Variants in SLC5A4 observed in about 807,000 individuals in gnomAD.
SLC5A4 encodes probable glucose sensor protein SLC5A4.
SLC5A4 carries 55 observed loss-of-function variants against 70.3 expected under a neutral mutation model. The ratio of observed to expected loss-of-function variants is 0.78; its 90% CI spans 0.63 to 0.98. SLC5A4 has a LOEUF of 0.98. Among genes scored for constraint, SLC5A4 ranks in the 50% least tolerant of loss-of-function variants. The pLI, the probability that SLC5A4 is intolerant of heterozygous loss-of-function variation, is 0.00. For synonymous variants in SLC5A4, 268 were observed against 305.7 expected (o/e 0.88, Z 1.29); for missense variants, 735 against 839.2 (o/e 0.88, Z 1.53).
upstream of SLC5A4, among the ~76,000 whole-genome samples, chr22:32,257,671 A>ATTTTTTTTTTTTTTT (rs200927695): frequency 9.3e-6 from 1 of 107,626 alleles, no homozygotes; most frequent in African/African-American, 4.3e-5. Context: ...TTTTTTTTTA[A>ATTTTTTTTTTTTTTT]TTTTTTTTTT....
At chr22:32,254,277 C>G in intron 1 of SLC5A4, 64 bp from the exon 2 acceptor site, 1 of 1,249,558 alleles carries the variant, frequency 8.0e-7, no homozygotes, top group Non-Finnish European at 1.2e-6. Flanking sequence ...ACCCCAGAGG[C>G]TCTGGCCAGG....
At chr22:32,344,514 G>A in the SLC5A4 span, among the ~76,000 whole-genome samples, 490 of 152,100 alleles carry the variant, frequency 3.2e-3, no homozygotes, top group African/African-American at 0.01. Flanking sequence ...TCTCTTATGC[G>A]ATATTGACAA....
At chr22:32,309,691 A>G in the SLC5A4 span, among the ~76,000 whole-genome samples, 1 of 151,938 alleles carries the variant, frequency 6.6e-6, no homozygotes, top group East Asian at 1.9e-4. Flanking sequence ...GAGTGTTCAC[A>G]CCCAAGTGCA....
the SLC5A4 span, among the ~76,000 whole-genome samples, chr22:32,308,161 G>A: frequency 2.6e-5 from 4 of 152,126 alleles, no homozygotes; most frequent in African/African-American, 7.2e-5. Context: ...TGCCTCCTGG[G>A]TTCACGTTAT....
At chr22:32,310,765 G>A in the SLC5A4 span, among the ~76,000 whole-genome samples, 3 of 152,240 alleles carry the variant, frequency 2.0e-5, no homozygotes, top group Non-Finnish European at 4.4e-5. Flanking sequence ...AAAATGGGGA[G>A]AGCCCCTTCT....
the SLC5A4 span, among the ~76,000 whole-genome samples, chr22:32,314,213 T>TA: frequency 1.3e-5 from 2 of 152,188 alleles, no homozygotes; most frequent in African/African-American, 4.8e-5. Flanking sequence ...CAAAGCCAGG[T>TA]ACTCTCCATC....
the SLC5A4 span, chr22:32,271,901 G>A: frequency 5.2e-6 from 3 of 579,668 alleles, no homozygotes; most frequent in African/African-American, 3.7e-5. Flanking sequence ...CAAGATGTAC[G>A]CTGTGGCCAC....
chr22:32,318,581 G>C, the SLC5A4 span, among the ~76,000 whole-genome samples: 1 of 152,020 alleles, frequency 6.6e-6, no homozygotes, highest in South Asian at 2.1e-4. Context: ...CCTTCCTTTG[G>C]AATCTCAACA....
At chr22:32,317,287 C>CTTA in the SLC5A4 span, among the ~76,000 whole-genome samples, 5 of 152,036 alleles carry the variant, frequency 3.3e-5, no homozygotes, top group Admixed American at 3.3e-4. Flanking sequence ...CATATATAGC[C>CTTA]TTAAAACACT....
At chr22:32,321,640 C>T in the SLC5A4 span, among the ~76,000 whole-genome samples, 3 of 152,288 alleles carry the variant, frequency 2.0e-5, no homozygotes, top group African/African-American at 7.2e-5. Context: ...TTCAGTGGGC[C>T]CCAGTGTGTG....
At chr22:32,304,559 G>C in the SLC5A4 span, among the ~76,000 whole-genome samples, 1 of 152,200 alleles carries the variant, frequency 6.6e-6, no homozygotes, top group African/African-American at 2.4e-5. Flanking sequence ...AATGACAGGT[G>C]CAAGCCACTG....
chr22:32,312,118 G>A, the SLC5A4 span, among the ~76,000 whole-genome samples: 1 of 152,094 alleles, frequency 6.6e-6, no homozygotes, highest in Non-Finnish European at 1.5e-5. Context: ...ATGCGTCCCT[G>A]AGTATTTTTG....
chr22:32,302,830 T>A, the SLC5A4 span, among the ~76,000 whole-genome samples: 3 of 152,236 alleles, frequency 2.0e-5, no homozygotes, highest in Non-Finnish European at 2.9e-5. Flanking sequence ...TCTGTATAAA[T>A]TTTAGAATAA....
chr22:32,278,024 G>T, the SLC5A4 span, among the ~76,000 whole-genome samples: 5 of 139,344 alleles, frequency 3.6e-5, no homozygotes, highest in Admixed American at 1.5e-4. Context: ...GACAGCTTTG[G>T]TGAAAGAAAG....
the SLC5A4 span, among the ~76,000 whole-genome samples, chr22:32,333,292 G>A: frequency 2.2e-4 from 34 of 152,194 alleles, no homozygotes; most frequent in South Asian, 1.0e-3. Context: ...TGGGCAGCAG[G>A]CAGAGGGGTC....
At position 32,231,107 on chromosome 22, in the gene SLC5A4, G is replaced by A. The variant is rs538250182; in HGVS notation, c.1022-32C>T. On this transcript the variant is annotated intron_variant, in intron 9 of 14. Transcript: ENST00000266086. Reference sequence around the variant, plus strand: ...AAGAATTCAGAAGTGAGTCCAATGAGGCCCAAATAGGCAAAACCAACAACC... The same window carrying A: ...AAGAATTCAGAAGTGAGTCCAATGAAGCCCAAATAGGCAAAACCAACAACC... The A allele has an allele frequency of 1.3e-5, 16 of 1,279,760 alleles. No homozygotes were observed. In the South Asian group the frequency reaches 1.5e-4, roughly 12 times the overall value. 79.3% of individuals were successfully genotyped at this position (1,279,760 alleles called of 1,614,324 possible). A position where few individuals can be genotyped will look rare whatever the true frequency, so the allele number is the denominator to read the frequency against.
At chr22:32,338,678 A>G in the SLC5A4 span, among the ~76,000 whole-genome samples, 2 of 152,206 alleles carry the variant, frequency 1.3e-5, no homozygotes, top group African/African-American at 2.4e-5. Context: ...CAAGAAATGC[A>G]AACTGTATAG....
At chr22:32,314,593 T>C in the SLC5A4 span, among the ~76,000 whole-genome samples, 1 of 152,130 alleles carries the variant, frequency 6.6e-6, no homozygotes, top group South Asian at 2.1e-4. Flanking sequence ...AAGTTTAATG[T>C]AAAAGGATGG....
the SLC5A4 span, among the ~76,000 whole-genome samples, chr22:32,304,850 GT>G: frequency 7.9e-5 from 12 of 151,006 alleles, no homozygotes; most frequent in African/African-American, 2.2e-4. Context: ...GAGTTCTACA[GT>G]TTTTTTTTCT....
Sources: gnomAD v4.1 joint callset for allele counts (sites outside exome capture counted in the v4.1 genomes callset) on GRCh38, gnomAD v4.1.1 for gene constraint, MANE v1.5 for transcripts, NCBI Gene and HGNC (gene_info 2026-07-23, HGNC 2026-07-21) for gene names.